DAB1: variants seen among roughly 807,000 people sequenced by gnomAD.
DAB1 encodes the protein DAB adaptor protein 1.
In DAB1, 15 loss-of-function variants were observed where a neutral mutation model predicts 64.6. That is an observed-to-expected ratio of 0.23 (90% confidence interval 0.16 to 0.36). The LOEUF (loss-of-function observed/expected upper bound fraction) is 0.36. Ranked by LOEUF, DAB1 falls within the 10% of genes least tolerant of loss-of-function variation. The pLI, the probability that DAB1 is intolerant of heterozygous loss-of-function variation, is 1.00. For synonymous variants in DAB1, 235 were observed against 251.9 expected, an observed-to-expected ratio of 0.93 and a Z score of 0.64; for missense variants, 596 against 706.7, an observed-to-expected ratio of 0.84 and a Z score of 1.78.
intron 6 of DAB1, among the ~76,000 whole-genome samples, chr1:57,806,195 A>C (rs573741389): frequency 1.8e-4 from 28 of 152,240 alleles, no homozygotes; most frequent in South Asian, 1.0e-3. Flanking sequence ...TTTCAGCTTT[A>C]TCTGCCTGAT....
At chr1:57,299,398 G>A (rs1030333877) in intron 1 of DAB1, among the ~76,000 whole-genome samples, 2 of 152,104 alleles carry the variant, frequency 1.3e-5, no homozygotes, top group Non-Finnish European at 2.9e-5. Context: ...GTCAATCTTC[G>A]GCAAGGCAAA....
chr1:58,539,991 C>A (rs762883153), intron 1 of DAB1, among the ~76,000 whole-genome samples: 1 of 152,110 alleles, frequency 6.6e-6, no homozygotes, highest in African/African-American at 2.4e-5. Flanking sequence ...TCAGCTGAGT[C>A]CTGTCTGGGC....
At chr1:57,722,832 G>A (rs1570768696) in intron 6 of DAB1, among the ~76,000 whole-genome samples, 1 of 152,124 alleles carries the variant, frequency 6.6e-6, no homozygotes, top group African/African-American at 2.4e-5. Flanking sequence ...CATTGAGCAG[G>A]AGTAGCTTTG....
chr1:57,867,138 G>A (rs946023973), intron 1 of DAB1: 1 of 152,138 alleles, frequency 6.6e-6, no homozygotes, highest in Non-Finnish European at 1.5e-5. Flanking sequence ...AAGTGAGATG[G>A]ATGGAGCTCT....
At chr1:57,279,182 T>C (rs1409051799) in intron 2 of DAB1, among the ~76,000 whole-genome samples, 2 of 152,202 alleles carry the variant, frequency 1.3e-5, no homozygotes, top group Admixed American at 1.3e-4. Flanking sequence ...TCCATATCCA[T>C]GGGGATTAGC....
At chr1:58,437,992 T>G (rs1239898282) in intron 3 of DAB1, among the ~76,000 whole-genome samples, 2 of 152,158 alleles carry the variant, frequency 1.3e-5, no homozygotes, top group Non-Finnish European at 2.9e-5. Flanking sequence ...AGTGACCATG[T>G]TCCCTCCATA....
intron 6 of DAB1, among the ~76,000 whole-genome samples, chr1:57,732,465 C>T (rs142928204): frequency 1.1e-3 from 167 of 152,260 alleles, no homozygotes; most frequent in Non-Finnish European, 2.2e-3. Flanking sequence ...TACGATTCAT[C>T]GGGTAAGTGG....
At chr1:57,630,906 C>A (rs1461428802) in intron 7 of DAB1, among the ~76,000 whole-genome samples, 2 of 152,076 alleles carry the variant, frequency 1.3e-5, no homozygotes, top group Non-Finnish European at 2.9e-5. Context: ...TAAACATGTC[C>A]AGACCTTCAT....
At chr1:57,821,805 AT>A (rs200242456), downstream of DAB1, among the ~76,000 whole-genome samples, 3 of 152,066 alleles carry the variant, frequency 2.0e-5, no homozygotes, top group Admixed American at 1.3e-4. Context: ...ACCTTCTTCC[AT>A]TTTTTTTAAG....
At chr1:57,228,708 A>C (rs1363761999) in intron 2 of DAB1, among the ~76,000 whole-genome samples, 1 of 152,224 alleles carries the variant, frequency 6.6e-6, no homozygotes, top group Non-Finnish European at 1.5e-5. Flanking sequence ...TATACATAGT[A>C]AGATCCAGCA....
intron 4 of DAB1, among the ~76,000 whole-genome samples, chr1:58,166,257 A>G (rs1016862959): frequency 2.0e-5 from 3 of 152,186 alleles, no homozygotes; most frequent in South Asian, 2.1e-4. Flanking sequence ...CTATCACTGC[A>G]ATCTAGTTTT....
intron 6 of DAB1, among the ~76,000 whole-genome samples, chr1:57,755,501 G>T (rs1648763629): frequency 6.6e-6 from 1 of 152,152 alleles, no homozygotes; most frequent in Non-Finnish European, 1.5e-5. Context: ...GAAATTTTCT[G>T]GTTTTTAAAC....
chr1:57,920,658 C>T (rs911888694), intron 5 of DAB1, among the ~76,000 whole-genome samples: 5 of 152,218 alleles, frequency 3.3e-5, no homozygotes, highest in African/African-American at 1.2e-4. Context: ...ATTAATCTCT[C>T]CAAGGCTCCA....
rs546368044 is a variant in DAB1 at position 57,851,236 on chromosome 1, G to A, written n.88-24781C>T. Among the ~76,000 whole-genome samples, 3 of 152,340 alleles carry A rather than the reference G, an allele frequency of 2.0e-5. No individual in the cohort carries two copies. The South Asian group carries it at 6.2e-4, about 32-fold the overall frequency. On this transcript the variant is annotated intron_variant and non_coding_transcript_variant, in intron 1 of 1. Coordinates refer to the DAB1 transcript ENST00000477280. ...GATTTGCATATATCTACATAGGTTA[G>A]TCTCTTTGCAGTAGATTTCCAATTA...
At chr1:57,890,495 G>A (rs1644295902) in intron 5 of DAB1, among the ~76,000 whole-genome samples, 2 of 121,928 alleles carry the variant, frequency 1.6e-5, no homozygotes, top group African/African-American at 6.5e-5. Context: ...TGCCTCTGTT[G>A]CCTAGGCTGA....
intron 6 of DAB1, among the ~76,000 whole-genome samples, chr1:57,667,458 T>G (rs534290327): frequency 1.3e-5 from 2 of 152,118 alleles, no homozygotes; most frequent in Non-Finnish European, 2.9e-5. Context: ...GTTTATTGTT[T>G]CTCTCATCCC....
At chr1:58,397,064 CAA>C (rs528396079) in intron 3 of DAB1, among the ~76,000 whole-genome samples, 8 of 80,580 alleles carry the variant, frequency 9.9e-5, no homozygotes, top group East Asian at 4.2e-4. Flanking sequence ...GACTCCGTCT[CAA>C]AAAAAAAAAA....
intron 5 of DAB1, among the ~76,000 whole-genome samples, chr1:58,138,496 C>T (rs1654074714): frequency 6.6e-6 from 1 of 152,122 alleles, no homozygotes; most frequent in African/African-American, 2.4e-5. Flanking sequence ...AGAAAAAGCA[C>T]ACAAACAGGG....
chr1:57,587,801 A>G (rs1004816999), intron 7 of DAB1, among the ~76,000 whole-genome samples: 7 of 152,254 alleles, frequency 4.6e-5, no homozygotes, highest in African/African-American at 1.2e-4. Context: ...CAAAACTGAC[A>G]TTGAACCCAG....
Sources: gnomAD v4.1 joint callset for allele counts (sites outside exome capture counted in the v4.1 genomes callset) on GRCh38, gnomAD v4.1.1 for gene constraint, MANE v1.5 for transcripts, NCBI Gene and HGNC (gene_info 2026-07-23, HGNC 2026-07-21) for gene names.